The following PPP2R2D variants were observed in gnomAD, a reference collection of about 807,000 sequenced individuals.
PPP2R2D encodes serine/threonine-protein phosphatase 2A 55 kDa regulatory subunit B delta isoform.
Under a neutral mutation model 31.1 loss-of-function variants are expected in PPP2R2D, and 9 were observed. The observed-to-expected ratio is 0.29, with a 90% confidence interval of 0.17 to 0.51. The LOEUF (loss-of-function observed/expected upper bound fraction) is 0.51. PPP2R2D is among the 20% of genes least tolerant of loss of function. The probability of loss-of-function intolerance (pLI) is 0.98; values close to 1 mark genes in which losing one functional copy is unlikely to be tolerated. For synonymous variants in PPP2R2D, 179 were observed against 172.6 expected (o/e 1.04, Z -0.29); for missense variants, 391 against 465.6 (o/e 0.84, Z 1.48).
intron 8 of PPP2R2D, among the ~76,000 whole-genome samples, chr10:131,951,604 C>A (rs193082668): frequency 6.6e-6 from 1 of 152,172 alleles, no homozygotes; most frequent in Non-Finnish European, 1.5e-5. Flanking sequence ...GGGCGGATCA[C>A]GAGGTCAGGA....
rs782617635 is a variant in PPP2R2D at position 131,940,096 on chromosome 10, G to A, written c.264G>A (p.Pro88=). The change falls in exon 4 of 9, where the codon CCG becomes CCA. Residue 88 remains proline (P), a synonymous_variant. Coordinates refer to ENST00000455566, the MANE Select transcript of PPP2R2D (RefSeq NM_018461.5). ...NVYSTFQSHE[P]EFDYLKSLEI... ...ACAGCACCTTTCAAAGTCATGAACC[G>A]GAGTTTGACTATTTGAAAAGTCTAG... 2.1e-5 allele frequency: 16 copies of A among 778,594 alleles called. No homozygotes were observed. Among genetic ancestry groups the A allele is most frequent in the East Asian group, 1.2e-4 (5 of 41,220 alleles). The allele number at this position is 778,594 out of a possible 1,614,324, so 48.2% of individuals were successfully genotyped here.
chr10:131,955,739 C>A lies in PPP2R2D; in HGVS notation c.1138C>A (p.Arg380=). The A allele has an allele frequency of 6.5e-7, 1 of 1,535,302 alleles. No homozygotes were observed. The highest frequency in any genetic ancestry group is 8.8e-7 in the Non-Finnish European group (1 of 1,135,770). Residue 380 remains arginine (R), a synonymous_variant, in exon 9 of 9, where the codon CGG becomes AGG. Transcript: ENST00000455566. ...NFFRMFDRDT[R]RDVTLEASRE... Reference sequence around the variant, plus strand: ...CTTCAGGATGTTTGATAGAGACACGCGGAGGGATGTGACCCTGGAGGCCTC... The same window carrying A: ...CTTCAGGATGTTTGATAGAGACACGAGGAGGGATGTGACCCTGGAGGCCTC...
intron 8 of PPP2R2D, among the ~76,000 whole-genome samples, chr10:131,952,411 G>A (rs1247927812): frequency 4.4e-5 from 4 of 90,242 alleles, no homozygotes; most frequent in Admixed American, 1.1e-4. Flanking sequence ...AGTGACTTGC[G>A]GGTGTGCGGG....
intron 2 of PPP2R2D, among the ~76,000 whole-genome samples, chr10:131,916,321 T>A (rs2035778935): frequency 2.3e-5 from 3 of 132,326 alleles, no homozygotes; most frequent in African/African-American, 9.0e-5. Flanking sequence ...CAGGTTGGCA[T>A]AGATTGGGAT....
the PPP2R2D span, chr10:131,968,575 C>G: frequency 3.8e-6 from 6 of 1,594,706 alleles, no homozygotes; most frequent in East Asian, 6.7e-5. Context: ...AGATCCTTCA[C>G]AGAAAAATTA....
chr10:131,911,716 C>A (rs1191159331), intron 2 of PPP2R2D: 7 of 145,682 alleles, frequency 4.8e-5, no homozygotes, highest in African/African-American at 1.5e-4. Context: ...CTTGACCTCA[C>A]GGACCCTCTG....
At chr10:131,968,956 C>T in the PPP2R2D span, 1 of 172,232 alleles carries the variant, frequency 5.8e-6, no homozygotes, top group Non-Finnish European at 1.3e-5. Context: ...AGCCCCTGCC[C>T]TCATGTGGTT....
chr10:131,904,025 G>C (rs991636156), intron 2 of PPP2R2D, among the ~76,000 whole-genome samples: 1 of 152,060 alleles, frequency 6.6e-6, no homozygotes, highest in Admixed American at 6.6e-5. Flanking sequence ...CCAATATGGC[G>C]AAACCCCATC....
intron 7 of PPP2R2D, chr10:131,946,064 C>T (rs1459690738): frequency 6.6e-6 from 1 of 152,110 alleles, no homozygotes; most frequent in African/African-American, 2.4e-5. Context: ...CCACCCGTTG[C>T]CTCTGCCTCT....
intron 2 of PPP2R2D, among the ~76,000 whole-genome samples, chr10:131,932,667 A>AAAAAAAAAAAACAC (rs1564817986): frequency 4.5e-5 from 6 of 133,156 alleles, no homozygotes; most frequent in Non-Finnish European, 9.0e-5. Context: ...AAAAAAAAAA[A>AAAAAAAAAAAACAC]ACACACAAAA....
Position 131,957,357 on chromosome 10 carries a change from TGCCC to T in PPP2R2D, c.*1395_*1398del, listed in dbSNP as rs2036819296. 1 of 198,494 alleles carries T rather than the reference TGCCC, an allele frequency of 5.0e-6. No individual in the cohort carries two copies. Among genetic ancestry groups the T allele is most frequent in the Admixed American group, 6.3e-5 (1 of 15,964 alleles). 12.3% of individuals were successfully genotyped at this position (198,494 alleles called of 1,614,324 possible). On this transcript the variant is annotated 3_prime_UTR_variant, in exon 9 of 9. Transcript: ENST00000455566. The stretch of plus-strand genomic sequence containing the variant: ...GAAGGAGGTGTGTGCTGATCCCCTG[TGCCC>T]TGTGGAGATGGAGGTGTGTGCTGCT...
chr10:131,915,755 A>G (rs550221409), intron 2 of PPP2R2D, among the ~76,000 whole-genome samples: 1 of 152,328 alleles, frequency 6.6e-6, no homozygotes, highest in Admixed American at 6.5e-5. Context: ...CACAGGTCAC[A>G]TTTCTTAGAT....
intron 2 of PPP2R2D, among the ~76,000 whole-genome samples, chr10:131,913,640 C>T (rs1454172247): frequency 6.6e-6 from 1 of 152,120 alleles, no homozygotes; most frequent in Non-Finnish European, 1.5e-5. Context: ...ATTTTCTGAG[C>T]AATGTGTCGT....
the PPP2R2D span, chr10:131,968,639 G>A: frequency 5.0e-6 from 7 of 1,408,876 alleles, no homozygotes; most frequent in Non-Finnish European, 6.0e-6. Flanking sequence ...AGCTGAAACA[G>A]GGTAGCTCAC....
At chr10:131,905,555 G>A (rs2035568330) in intron 2 of PPP2R2D, among the ~76,000 whole-genome samples, 1 of 152,176 alleles carries the variant, frequency 6.6e-6, no homozygotes, top group Non-Finnish European at 1.5e-5. Context: ...GACCCAGCAC[G>A]AAGGTCATGA....
chr10:131,936,407 A>G (rs1484172792), intron 3 of PPP2R2D, among the ~76,000 whole-genome samples: 2 of 152,110 alleles, frequency 1.3e-5, no homozygotes, highest in East Asian at 1.9e-4. Context: ...CGGCCTCCCA[A>G]AGTGCTGGGA....
At chr10:131,967,706 T>G in the PPP2R2D span, 1 of 152,616 alleles carries the variant, frequency 6.6e-6, no homozygotes, top group Admixed American at 6.5e-5. Context: ...GGCAAAGATT[T>G]ATTTTTTTTT....
rs558591359 is a variant in PPP2R2D, at chr10:131,945,071, T to C, written c.656-224T>C. 2.6e-5 allele frequency among the ~76,000 whole-genome samples: 4 copies of C among 152,310 alleles called. No homozygotes were observed. The highest frequency in any genetic ancestry group is 7.2e-5 in the African/African-American group (3 of 41,560). On this transcript the variant is annotated intron_variant, in intron 6 of 8. Transcript: ENST00000455566. The surrounding 1 kb of genome is among the most constrained non-coding windows in gnomAD (Gnocchi z 4.8). ...AAGATGAAAGCGGTGTTCGCTTGTC[T>C]GTGTCTCCCCCTGGGCCGGGGCGTT...
At chr10:131,953,261 C>T (rs1554899302) in intron 8 of PPP2R2D, among the ~76,000 whole-genome samples, 1 of 101,590 alleles carries the variant, frequency 9.8e-6, no homozygotes, top group African/African-American at 4.0e-5. Flanking sequence ...GGGGGGGTCC[C>T]TGTCTTAGCA....
Sources: allele counts gnomAD v4.1 joint callset (sites outside exome capture counted in the v4.1 genomes callset), GRCh38; gene constraint gnomAD v4.1.1; non-coding constraint Gnocchi (gnomAD v3.1); transcripts MANE v1.5; gene names NCBI Gene and HGNC (gene_info 2026-07-23, HGNC 2026-07-21).